Variants in AOPEP observed in about 807,000 individuals in gnomAD.
AOPEP encodes aminopeptidase O (putative).
AOPEP carries 77 observed loss-of-function variants against 98.1 expected under a neutral mutation model. The ratio of observed to expected loss-of-function variants is 0.78; its 90% confidence interval spans 0.65 to 0.95. AOPEP has a LOEUF of 0.95. Among genes scored for constraint, AOPEP ranks in the 40% least tolerant of loss-of-function variants. The probability of loss-of-function intolerance (pLI) is 0.00; values close to 1 mark genes in which losing one functional copy is unlikely to be tolerated. For missense variants in AOPEP, 1,024 were observed against 1,024.7 expected (o/e 1.00, Z 0.01); for synonymous variants, 346 against 365.3 (o/e 0.95, Z 0.60).
At chr9:94,730,850 C>T (rs1264354006) in intron 1 of AOPEP, among the ~76,000 whole-genome samples, 1 of 152,060 alleles carries the variant, frequency 6.6e-6, no homozygotes, top group African/African-American at 2.4e-5. Flanking sequence ...GTAATTCTGA[C>T]TGGTTGTTTA....
the AOPEP span, among the ~76,000 whole-genome samples, chr9:95,145,030 T>C: frequency 6.6e-6 from 1 of 152,214 alleles, no homozygotes; most frequent in African/African-American, 2.4e-5. Context: ...TTGACCATTT[T>C]TCGAATCAAG....
At chr9:94,967,651 C>T (rs1355377292) in intron 9 of AOPEP, 107 bp from the exon 10 acceptor site, 6 of 846,150 alleles carry the variant, frequency 7.1e-6, no homozygotes, top group East Asian at 5.0e-5. Context: ...TCTAGCTTCT[C>T]AAGCAGGTGA....
chr9:94,963,400 A>G (rs542296643), intron 9 of AOPEP, among the ~76,000 whole-genome samples: 3 of 152,274 alleles, frequency 2.0e-5, no homozygotes, highest in African/African-American at 4.8e-5. Context: ...TGTTTAATTT[A>G]GTGTTGTTAG....
intron 10 of AOPEP, among the ~76,000 whole-genome samples, chr9:94,974,069 C>T (rs1030270498): frequency 3.2e-4 from 48 of 152,196 alleles, no homozygotes; most frequent in Admixed American, 2.8e-3. Flanking sequence ...AGACCTACAT[C>T]CTGTTTCTTC....
chr9:95,024,978 T>C (rs2063729973), intron 13 of AOPEP, among the ~76,000 whole-genome samples: 1 of 152,260 alleles, frequency 6.6e-6, no homozygotes, highest in Non-Finnish European at 1.5e-5. Flanking sequence ...TTATTTGTTA[T>C]TGATGGATAA....
At chr9:94,935,987 C>T (rs2056214367) in intron 7 of AOPEP, among the ~76,000 whole-genome samples, 1 of 152,212 alleles carries the variant, frequency 6.6e-6, no homozygotes, top group Admixed American at 6.5e-5. Flanking sequence ...CACTCCTTCC[C>T]TGGGAGCCAT....
intron 3 of AOPEP, among the ~76,000 whole-genome samples, chr9:94,780,629 T>C (rs1481734600): frequency 2.0e-5 from 3 of 152,232 alleles, no homozygotes; most frequent in Middle Eastern, 3.2e-3. Context: ...GATGGAATAA[T>C]GTCTACAAAT....
chr9:95,128,645 T>TG, the AOPEP span, among the ~76,000 whole-genome samples: 1 of 152,248 alleles, frequency 6.6e-6, no homozygotes, highest in African/African-American at 2.4e-5. Flanking sequence ...AGCTTAGATC[T>TG]GCTCCTCTTC....
At chr9:94,731,358 G>A (rs1236123730) in intron 1 of AOPEP, among the ~76,000 whole-genome samples, 1 of 152,010 alleles carries the variant, frequency 6.6e-6, no homozygotes, top group East Asian at 1.9e-4. Flanking sequence ...CTCCCGAGTA[G>A]CTGGGACTAC....
chr9:94,883,336 C>G (rs1454035055), intron 5 of AOPEP, among the ~76,000 whole-genome samples: 3 of 152,100 alleles, frequency 2.0e-5, no homozygotes, highest in Non-Finnish European at 4.4e-5. Context: ...AAAACAGATT[C>G]AGAGAAACTT....
intron 5 of AOPEP, among the ~76,000 whole-genome samples, chr9:94,886,399 TTTTA>T (rs556511100): frequency 4.3e-4 from 65 of 152,310 alleles, no homozygotes; most frequent in Non-Finnish European, 7.5e-4. Context: ...AAAAAATCCT[TTTTA>T]TTCATGTGGT....
intron 14 of AOPEP, among the ~76,000 whole-genome samples, chr9:95,063,233 T>C (rs2067489248): frequency 6.6e-6 from 1 of 152,236 alleles, no homozygotes; most frequent in Non-Finnish European, 1.5e-5. Flanking sequence ...CAGCTAACTC[T>C]GGGAACAAAA....
chr9:94,866,422 T>C lies in AOPEP; in HGVS notation c.1365-57564T>C, dbSNP rs962719118. 4.6e-5 allele frequency among the ~76,000 whole-genome samples: 7 copies of C among 152,220 alleles called. 1 individual carries two copies. The South Asian group carries it at 1.0e-3, about 23-fold the overall frequency. The stretch of plus-strand genomic sequence containing the variant: ...ATACAGGACTCCTCTCTGATGATTC[T>C]ACCCAGGCCTCCTGGCATTTGGAAA... On this transcript the variant is annotated intron_variant, in intron 5 of 16. Transcript: ENST00000375315.
intron 1 of AOPEP, among the ~76,000 whole-genome samples, chr9:94,730,042 T>C (rs1205969025): frequency 6.6e-6 from 1 of 152,162 alleles, no homozygotes; most frequent in Non-Finnish European, 1.5e-5. Context: ...CCCAGCACTT[T>C]GGAAGGCCGA....
At chr9:94,841,715 A>T (rs909729689) in intron 5 of AOPEP, among the ~76,000 whole-genome samples, 1 of 152,008 alleles carries the variant, frequency 6.6e-6, no homozygotes, top group Non-Finnish European at 1.5e-5. Context: ...TTGTCTCAGG[A>T]TATGGTGTAT....
At chr9:95,094,924 A>G in the AOPEP span, among the ~76,000 whole-genome samples, 1 of 152,306 alleles carries the variant, frequency 6.6e-6, no homozygotes, top group East Asian at 1.9e-4. Flanking sequence ...TGGGCCTCCC[A>G]AAGTGTAGGA....
chr9:94,992,288 G>A (rs972616337), intron 11 of AOPEP, among the ~76,000 whole-genome samples: 1 of 152,180 alleles, frequency 6.6e-6, no homozygotes, highest in African/African-American at 2.4e-5. Context: ...CTGGTGCTTG[G>A]TAAGGAGTCT....
intron 13 of AOPEP, among the ~76,000 whole-genome samples, chr9:95,046,437 C>G (rs763983757): frequency 2.6e-5 from 4 of 152,132 alleles, no homozygotes; most frequent in Non-Finnish European, 2.9e-5. Flanking sequence ...ATTTCTGTCT[C>G]TCATTAAAGA....
intron 13 of AOPEP, among the ~76,000 whole-genome samples, 170 bp from the exon 14 acceptor site, chr9:95,060,524 A>G (rs532084011): frequency 3.0e-4 from 46 of 152,352 alleles, no homozygotes; most frequent in Non-Finnish European, 5.9e-4. Context: ...AATACAGACA[A>G]TGTAGGCCCT....
Sources: allele counts gnomAD v4.1 joint callset (sites outside exome capture counted in the v4.1 genomes callset), GRCh38; gene constraint gnomAD v4.1.1; transcripts MANE v1.5; gene names NCBI Gene and HGNC (gene_info 2026-07-23, HGNC 2026-07-21).